Variants in PTPRK observed in about 807,000 individuals in gnomAD.
PTPRK encodes protein tyrosine phosphatase receptor type K, also known as receptor-type tyrosine-protein phosphatase kappa.
Under a neutral mutation model 178.0 loss-of-function variants are expected in PTPRK, and 75 were observed. The ratio of observed to expected loss-of-function variants is 0.42; its 90% CI spans 0.35 to 0.51. PTPRK has a LOEUF of 0.51. Among genes scored for constraint, PTPRK ranks in the 20% least tolerant of loss-of-function variants. The pLI is 0.02. For synonymous variants in PTPRK, 637 were observed against 620.6 expected, an observed-to-expected ratio of 1.03 and a Z score of -0.39; for missense variants, 1,441 against 1,797.8, an observed-to-expected ratio of 0.80 and a Z score of 3.59.
intron 2 of PTPRK, among the ~76,000 whole-genome samples, chr6:128,335,146 G>A (rs935272834): frequency 5.9e-5 from 9 of 152,030 alleles, no homozygotes; most frequent in African/African-American, 2.2e-4. Context: ...TGAAGTCAGA[G>A]GCCTAAATTA....
At chr6:128,375,058 C>CATTATT (rs58185524) in intron 2 of PTPRK, among the ~76,000 whole-genome samples, 19,275 of 132,076 alleles carry the variant, frequency 0.15, 1,433 homozygotes, top group Non-Finnish European at 0.15. Context: ...AGAAACACTG[C>CATTATT]ATTATTATTA....
chr6:128,110,730 G>A (rs901470952), intron 7 of PTPRK, among the ~76,000 whole-genome samples: 33 of 152,068 alleles, frequency 2.2e-4, no homozygotes, highest in African/African-American at 7.7e-4. Context: ...CAAAAACAGT[G>A]AATATAACCA....
At chr6:128,287,443 T>G (rs1562211409) in intron 3 of PTPRK, among the ~76,000 whole-genome samples, 1 of 152,188 alleles carries the variant, frequency 6.6e-6, no homozygotes, top group Non-Finnish European at 1.5e-5. Context: ...AAAGCAGAGT[T>G]TCTCCCAAGC....
chr6:128,354,398 G>C (rs868617270), intron 2 of PTPRK, among the ~76,000 whole-genome samples: 1 of 151,470 alleles, frequency 6.6e-6, no homozygotes, highest in South Asian at 2.1e-4. Flanking sequence ...CCACCGCCCG[G>C]CTAATTTCTT....
chr6:128,109,908 TG>T (rs34872644), intron 7 of PTPRK, among the ~76,000 whole-genome samples: 14 of 151,582 alleles, frequency 9.2e-5, no homozygotes, highest in South Asian at 2.1e-4. Flanking sequence ...ACTACTTTTT[TG>T]GGGGGGGAGG....
At chr6:128,143,977 C>G (rs890878058) in intron 7 of PTPRK, among the ~76,000 whole-genome samples, 4 of 152,166 alleles carry the variant, frequency 2.6e-5, no homozygotes, top group Admixed American at 2.0e-4. Flanking sequence ...TCAGGAAACT[C>G]TACTTCCTTG....
intron 13 of PTPRK, among the ~76,000 whole-genome samples, chr6:128,038,530 C>T (rs1776610050): frequency 6.6e-6 from 1 of 152,084 alleles, no homozygotes; most frequent in Non-Finnish European, 1.5e-5. Flanking sequence ...CTGCTCCACT[C>T]AATGACAATG....
intron 15 of PTPRK, among the ~76,000 whole-genome samples, chr6:128,004,116 C>T (rs756145867): frequency 2.0e-5 from 3 of 151,744 alleles, no homozygotes; most frequent in African/African-American, 4.8e-5. Context: ...GGAGATAATA[C>T]TTATATTGTT....
intron 2 of PTPRK, among the ~76,000 whole-genome samples, chr6:128,358,806 A>G (rs1369599468): frequency 1.3e-5 from 2 of 152,238 alleles, no homozygotes; most frequent in East Asian, 1.9e-4. Flanking sequence ...ATAATATGAA[A>G]TGAAAGGCTT....
intron 3 of PTPRK, among the ~76,000 whole-genome samples, chr6:128,298,548 T>G (rs1583991477): frequency 6.6e-6 from 1 of 152,142 alleles, no homozygotes; most frequent in East Asian, 1.9e-4. Flanking sequence ...ATCCCTGGGA[T>G]GCAAGGCTGG....
chr6:128,336,332 C>T (rs939810016), intron 2 of PTPRK, among the ~76,000 whole-genome samples: 1 of 152,032 alleles, frequency 6.6e-6, no homozygotes, highest in Non-Finnish European at 1.5e-5. Context: ...AGTTCCCACA[C>T]TAATTTTTTA....
chr6:128,282,885 G>T (rs933001976), intron 3 of PTPRK, among the ~76,000 whole-genome samples: 1 of 152,146 alleles, frequency 6.6e-6, no homozygotes, highest in Non-Finnish European at 1.5e-5. Flanking sequence ...ATAGCTATAA[G>T]TGTACAAAAC....
At chr6:128,255,076 C>T (rs748184920) in intron 3 of PTPRK, among the ~76,000 whole-genome samples, 27 of 152,294 alleles carry the variant, frequency 1.8e-4, no homozygotes, top group African/African-American at 3.4e-4. Flanking sequence ...CCACAACCTC[C>T]GCCTCCTGGG....
chr6:128,136,006 C>T (rs1191156796), intron 7 of PTPRK, among the ~76,000 whole-genome samples: 1 of 152,076 alleles, frequency 6.6e-6, no homozygotes, highest in Non-Finnish European at 1.5e-5. Context: ...AATGTGACTT[C>T]ATTTGGAGAT....
intron 1 of PTPRK, among the ~76,000 whole-genome samples, chr6:128,423,444 G>A (rs551517398): frequency 7.9e-5 from 12 of 152,036 alleles, no homozygotes; most frequent in East Asian, 3.9e-4. Context: ...GTGTGTTCTC[G>A]ATTTTAAAAC....
At chr6:128,464,640 T>TATATATATATACAC (rs1849557500) in intron 1 of PTPRK, among the ~76,000 whole-genome samples, 1 of 51,170 alleles carries the variant, frequency 2.0e-5, no homozygotes, top group Non-Finnish European at 3.6e-5. Context: ...TATATACACA[T>TATATATATATACAC]ATATATATAT....
At chr6:128,035,821 G>A (rs1254274652) in intron 13 of PTPRK, among the ~76,000 whole-genome samples, 2 of 151,926 alleles carry the variant, frequency 1.3e-5, no homozygotes, top group African/African-American at 4.8e-5. Flanking sequence ...TAGTGGGAAA[G>A]GGCAGGGCTG....
At chr6:128,473,482 T>G (rs1850992798) in intron 1 of PTPRK, among the ~76,000 whole-genome samples, 1 of 146,448 alleles carries the variant, frequency 6.8e-6, no homozygotes, top group Non-Finnish European at 1.5e-5. Flanking sequence ...CATGCAAATA[T>G]CCTGCTCTCT....
intron 11 of PTPRK, among the ~76,000 whole-genome samples, chr6:128,075,615 C>T (rs1300212591): frequency 6.6e-6 from 1 of 152,100 alleles, no homozygotes; most frequent in Non-Finnish European, 1.5e-5. Context: ...GGTGCACATA[C>T]TAATTGCCTT....
Sources: allele counts gnomAD v4.1 joint callset (sites outside exome capture counted in the v4.1 genomes callset), GRCh38; gene constraint gnomAD v4.1.1; transcripts MANE v1.5; gene names NCBI Gene and HGNC (gene_info 2026-07-23, HGNC 2026-07-21).